Variants in DGCR2 observed in about 807,000 individuals in gnomAD.
The protein encoded by DGCR2 is integral membrane protein DGCR2/IDD.
Under a neutral mutation model 51.6 loss-of-function variants are expected in DGCR2, and 24 were observed. That is an observed-to-expected ratio of 0.47 (90% CI 0.34 to 0.65). The LOEUF (loss-of-function observed/expected upper bound fraction) is 0.65, where lower values mean the gene tolerates loss of function less well. Ranked by LOEUF, DGCR2 falls within the 30% of genes least tolerant of loss-of-function variation. The pLI, the probability that DGCR2 is intolerant of heterozygous loss-of-function variation, is 0.01. For missense variants in DGCR2, 765 were observed against 772.1 expected, an observed-to-expected ratio of 0.99 and a Z score of 0.11; for synonymous variants, 340 against 315.4, an observed-to-expected ratio of 1.08 and a Z score of -0.82.
chr22:19,044,711 G>C (rs2082469904), intron 7 of DGCR2, among the ~76,000 whole-genome samples: 1 of 152,242 alleles, frequency 6.6e-6, no homozygotes, highest in African/African-American at 2.4e-5. Flanking sequence ...CGTGGATTTA[G>C]TTTGTTTCCC....
chr22:19,092,623 T>G (rs2083091092), intron 1 of DGCR2, among the ~76,000 whole-genome samples: 1 of 152,114 alleles, frequency 6.6e-6, no homozygotes, highest in South Asian at 2.1e-4. Flanking sequence ...AATGGAAAAT[T>G]CCTCCAAATA....
chr22:19,063,285 G>T lies in DGCR2; in HGVS notation c.549-7C>A, dbSNP rs779810972. 2 of 1,613,740 alleles carry T rather than the reference G, an allele frequency of 1.2e-6. No individual in the cohort carries two copies. Among genetic ancestry groups the T allele is most frequent in the South Asian group, 2.2e-5 (2 of 91,062 alleles). ...CTGATAGCCAACCCACAACCTGCAG[G>T]GCACAGAGACAGAGACAGAGATCTC... On this transcript the variant is annotated splice_polypyrimidine_tract_variant and splice_region_variant and intron_variant, in intron 4 of 9. Coordinates refer to ENST00000263196, the MANE Select transcript of DGCR2 (RefSeq NM_005137.3).
intron 7 of DGCR2, among the ~76,000 whole-genome samples, chr22:19,042,575 G>A (rs187640083): frequency 1.3e-3 from 195 of 152,322 alleles, no homozygotes; most frequent in African/African-American, 4.0e-3. Context: ...ACGCCCCTGC[G>A]GAGCATGGCT....
At chr22:19,104,679 G>T (rs1377633061) in intron 1 of DGCR2, among the ~76,000 whole-genome samples, 1 of 152,212 alleles carries the variant, frequency 6.6e-6, no homozygotes, top group African/African-American at 2.4e-5. Flanking sequence ...CGGGGTAGGG[G>T]ACACCCATGC....
Position 19,038,823 on chromosome 22 carries a change from C to CA in DGCR2, c.*41dup, listed in dbSNP as rs1473836279. ...CCCCAGGGACCGGTGTTTTCTACAA[C>CA]AGACAGGTGCTCCCAGACCGTTGGG... is the stretch of plus-strand genomic sequence containing the variant. On this transcript the variant is annotated 3_prime_UTR_variant, in exon 10 of 10. Coordinates refer to ENST00000263196, the MANE Select transcript of DGCR2 (RefSeq NM_005137.3). 1 of 1,591,484 alleles carries CA rather than the reference C, an allele frequency of 6.3e-7. No homozygotes were observed. Among genetic ancestry groups the CA allele is most frequent in the South Asian group, 1.1e-5 (1 of 88,956 alleles).
chr22:19,049,749 C>T lies in DGCR2; in HGVS notation c.803-1106G>A, dbSNP rs190163619. ...GGCTGAGGCATGAGAATCTCTTGAA[C>T]CCCAGAGGTGTAGGTTGCAGTGAGC... On this transcript the variant is annotated intron_variant, in intron 6 of 9. Transcript: ENST00000263196. Among the ~76,000 whole-genome samples the T allele has an allele frequency of 7.6e-3, 1,154 of 151,600 alleles. 18 individuals are homozygous for T. The highest frequency in any genetic ancestry group is 0.026 in the African/African-American group (1,076 of 41,214).
intron 6 of DGCR2, chr22:19,056,398 C>CAAAG: frequency 2.2e-6 from 1 of 447,762 alleles, no homozygotes; most frequent in South Asian, 2.6e-5. Context: ...TCCGCAAGAA[C>CAAAG]AAAGCCTCTC....
intron 1 of DGCR2, among the ~76,000 whole-genome samples, chr22:19,117,737 G>A (rs921344278): frequency 7.9e-5 from 12 of 152,060 alleles, no homozygotes; most frequent in African/African-American, 1.9e-4. Context: ...CAACTTTTCC[G>A]GGAGTTTGAA....
chr22:19,049,146 G>A (rs548670143), intron 6 of DGCR2, among the ~76,000 whole-genome samples: 15 of 152,386 alleles, frequency 9.8e-5, no homozygotes, highest in African/African-American at 3.4e-4. Context: ...GGAAGTTGCT[G>A]AAGTAGATTA....
Position 19,038,372 on chromosome 22 carries a change from C to G in DGCR2, c.*493G>C, listed in dbSNP as rs925505424. On this transcript the variant is annotated 3_prime_UTR_variant, in exon 10 of 10. Transcript: ENST00000263196. ...AAGTCAAGAGGCTGCCTCCCTGAAG[C>G]AGACCCACTGCCTACGCCACACTGA... The G allele has an allele frequency of 6.4e-6, 1 of 156,456 alleles. No homozygotes were observed. The highest frequency in any genetic ancestry group is 1.4e-5 in the Non-Finnish European group (1 of 70,740). The allele number at this position is 156,456 out of a possible 1,614,324, so 9.7% of individuals were successfully genotyped here.
At chr22:19,048,985 A>C (rs1217347741) in intron 6 of DGCR2, among the ~76,000 whole-genome samples, 1 of 152,226 alleles carries the variant, frequency 6.6e-6, no homozygotes, top group Non-Finnish European at 1.5e-5. Context: ...AATGCCATGG[A>C]TCTCTGGCCC....
rs564594625 is a variant in DGCR2 at position 19,099,197 on chromosome 22, A to G, written c.80-9707T>C. Among the ~76,000 whole-genome samples, 33 of 152,322 alleles carry G rather than the reference A, an allele frequency of 2.2e-4. No homozygotes were observed. The South Asian group carries it at 6.6e-3, about 31-fold the overall frequency. On this transcript the variant is annotated intron_variant, in intron 1 of 9. Transcript: ENST00000263196. ...GTAATGAACAAAGAAAGTCAATTCC[A>G]GGACATGACAGAGCTTGCATCCAGC...
chr22:19,078,171 T>A (rs2082899953), intron 2 of DGCR2, among the ~76,000 whole-genome samples: 1 of 152,232 alleles, frequency 6.6e-6, no homozygotes, highest in South Asian at 2.1e-4. Context: ...GTCAGTGTTT[T>A]CAGTCTTTCA....
At chr22:19,084,517 C>T (rs1486279051) in intron 2 of DGCR2, among the ~76,000 whole-genome samples, 5 of 129,640 alleles carry the variant, frequency 3.9e-5, no homozygotes, top group Non-Finnish European at 6.5e-5. Flanking sequence ...GGAGCCCCTC[C>T]GCCCGGCAGC....
intron 1 of DGCR2, among the ~76,000 whole-genome samples, chr22:19,104,814 C>A (rs562374074): frequency 6.6e-6 from 1 of 152,370 alleles, no homozygotes; most frequent in Admixed American, 6.5e-5. Context: ...GTGGGGCTTT[C>A]CCACAGGTCA....
chr22:19,056,921 AG>A (rs1310420862), intron 6 of DGCR2, 64 bp downstream of exon 6: 1 of 1,475,092 alleles, frequency 6.8e-7, no homozygotes, highest in East Asian at 2.5e-5. Context: ...CCTTGAACTC[AG>A]GGTCCAACAA....
Position 19,068,177 on chromosome 22 carries a change from G to T in DGCR2, c.251C>A (p.Pro84Gln). ...RPHHGKEAVDPRQGRARGGDP... is the reference protein window; with the variant it reads ...RPHHGKEAVDQRQGRARGGDP... ...GCCTCCTCTGGCCCGCCCCTGCCGC[G>T]GATCCACAGCCTCCTTCCCATGATG... The change falls in exon 3 of 10, where the codon CCG becomes CAG. Residue 84 changes from proline to glutamine, a missense_variant. By Grantham distance (76) the Pro-to-Gln change is moderately conservative. Transcript: ENST00000263196. The T allele has an allele frequency of 1.2e-6, 2 of 1,611,230 alleles. No homozygotes were observed. The highest frequency in any genetic ancestry group is 8.5e-7 in the Non-Finnish European group (1 of 1,179,022).
At chr22:19,059,859 C>T (rs1044906349) in intron 5 of DGCR2, among the ~76,000 whole-genome samples, 2 of 152,096 alleles carry the variant, frequency 1.3e-5, no homozygotes, top group African/African-American at 4.8e-5. Flanking sequence ...CCATGTCCAC[C>T]GCTGCTCGCC....
At chr22:19,084,232 G>C (rs565619729) in intron 2 of DGCR2, among the ~76,000 whole-genome samples, 1 of 151,738 alleles carries the variant, frequency 6.6e-6, no homozygotes. Context: ...TCTGGGAAGT[G>C]AGGAGCGCCT....
Sources: gnomAD v4.1 joint callset for allele counts (sites outside exome capture counted in the v4.1 genomes callset) on GRCh38, gnomAD v4.1.1 for gene constraint, MANE v1.5 for transcripts, NCBI Gene and HGNC (gene_info 2026-07-23, HGNC 2026-07-21) for gene names.